The following NADSYN1 variants were observed in gnomAD, a reference collection of about 807,000 sequenced individuals.
NADSYN1 encodes the protein NAD synthetase 1, also known as glutamine-dependent NAD(+) synthetase.
A neutral mutation model predicts 99.3 loss-of-function variants in NADSYN1; 80 were observed. That is an observed-to-expected ratio of 0.81 (90% CI 0.67 to 0.97). The LOEUF (loss-of-function observed/expected upper bound fraction) is 0.97. Among genes scored for constraint, NADSYN1 ranks in the 50% least tolerant of loss-of-function variants. The pLI is 0.00. For missense variants in NADSYN1, 859 were observed against 948.5 expected, an observed-to-expected ratio of 0.91 and a Z score of 1.24; for synonymous variants, 385 against 372.1, an observed-to-expected ratio of 1.03 and a Z score of -0.40.
chr11:71,499,035 A>G (rs1223932802), intron 20 of NADSYN1: 1 of 154,264 alleles, frequency 6.5e-6, no homozygotes, highest in Non-Finnish European at 1.4e-5. Context: ...GAATCAGACC[A>G]TGCGGTATTT....
intron 18 of NADSYN1, among the ~76,000 whole-genome samples, chr11:71,495,860 G>A (rs1949815353): frequency 2.0e-5 from 3 of 152,238 alleles, no homozygotes; most frequent in Admixed American, 2.0e-4. Context: ...GCCCTGGGGT[G>A]TGGTAGGAAT....
intron 20 of NADSYN1, among the ~76,000 whole-genome samples, chr11:71,500,437 G>T (rs1259396952): frequency 6.6e-6 from 1 of 152,172 alleles, no homozygotes; most frequent in Non-Finnish European, 1.5e-5. Context: ...ATCATGACTG[G>T]GCTGGGGTCT....
chr11:71,479,420 G>C (rs2120466119), intron 10 of NADSYN1: 1 of 152,014 alleles, frequency 6.6e-6, no homozygotes, highest in South Asian at 2.1e-4. Context: ...GTTTTATTAA[G>C]TTGTATTTGC....
rs569014456 is a variant in NADSYN1, at chr11:71,480,632, G to A, written c.874-123G>A. On this transcript the variant is annotated intron_variant, in intron 10 of 20. Transcript: ENST00000319023. Reference sequence around the variant, plus strand: ...CGCCATCCTCGTGGGAGTGAGGGTGGCCTCACTGTGGTTTTGACATGCGTT... The same window carrying A: ...CGCCATCCTCGTGGGAGTGAGGGTGACCTCACTGTGGTTTTGACATGCGTT... The A allele has an allele frequency of 9.8e-5, 137 of 1,403,830 alleles. No homozygotes were observed. In the African/African-American group the frequency reaches 1.6e-3, roughly 16 times the overall value. 87.0% of individuals were successfully genotyped at this position (1,403,830 alleles called of 1,614,324 possible). A position where few individuals can be genotyped will look rare whatever the true frequency, so the allele number is the denominator to read the frequency against.
In NADSYN1 at chr11:71,459,216, G is replaced by A. The variant is rs545281263; in HGVS notation, c.263+672G>A. On this transcript the variant is annotated intron_variant, in intron 3 of 20. Coordinates refer to ENST00000319023, the MANE Select transcript of NADSYN1 (RefSeq NM_018161.5). ...GTGTGTGCTGTGCTGGTGTCTGTGC[G>A]GTCCCTGCATAGCCGCCCCTATGGA... Among the ~76,000 whole-genome samples the A allele has an allele frequency of 3.8e-4, 49 of 127,772 alleles. 1 individual carries two copies. The South Asian group carries it at 0.012, about 31-fold the overall frequency. The allele number at this position is 127,772 out of a possible 152,430, so 83.8% of individuals were successfully genotyped here. A position where few individuals can be genotyped will look rare whatever the true frequency, so the allele number is the denominator to read the frequency against.
Position 71,453,295 on chromosome 11 carries a change from G to A in NADSYN1, c.-2G>A, listed in dbSNP as rs745407087. On this transcript the variant is annotated 5_prime_UTR_variant, in exon 1 of 21. Transcript: ENST00000319023. ...CCTCCTGCCCAAGCGACTGCGGCCA[G>A]GATGGGCCGGAAGGTGACCGTGGCC... 10 of 1,613,260 alleles carry A rather than the reference G, an allele frequency of 6.2e-6. No individual in the cohort carries two copies. The highest frequency in any genetic ancestry group is 8.5e-6 in the Non-Finnish European group (10 of 1,179,606).
chr11:71,473,624 A>G lies in NADSYN1; in HGVS notation c.604A>G (p.Ser202Gly). The G allele has an allele frequency of 1.9e-6, 3 of 1,613,208 alleles. No individual in the cohort carries two copies. Among genetic ancestry groups the G allele is most frequent in the Non-Finnish European group, 2.5e-6 (3 of 1,179,884 alleles). ...GVEIITNASGSHQVLRKANTR... is the reference protein window; with the variant it reads ...GVEIITNASGGHQVLRKANTR... The stretch of plus-strand genomic sequence containing the variant: ...GGAGATCATCACCAACGCCTCGGGC[A>G]GCCACCAAGTGCTGCGCAAAGCCAA... Residue 202 changes from serine (S) to glycine (G), a missense_variant, in exon 8 of 21, where the codon AGC becomes GGC. Transcript: ENST00000319023.
rs372454516 is a variant in NADSYN1, at chr11:71,482,914, C to T, written c.1216C>T (p.Arg406Ter). Residue 406 changes from arginine (R) to a stop codon, truncating the protein, a stop_gained, in exon 14 of 21, where the codon CGA (arginine) becomes TGA (stop). Coordinates refer to ENST00000319023, the MANE Select transcript of NADSYN1 (RefSeq NM_018161.5). LOFTEE classifies it high-confidence loss of function. ...NQISYTPQDP[R>*]DLCGRILTTC... Reference sequence around the variant, plus strand: ...GATCAGCTACACCCCCCAGGATCCCCGAGACCTCTGTGGACGCATACTGAC... The same window carrying T: ...GATCAGCTACACCCCCCAGGATCCCTGAGACCTCTGTGGACGCATACTGAC... 18 of 1,613,144 alleles carry T rather than the reference C, an allele frequency of 1.1e-5. No homozygotes were observed. The highest frequency in any genetic ancestry group is 6.7e-5 in the East Asian group (3 of 44,886).
At chr11:71,457,957 T>C (rs1277491535) in intron 2 of NADSYN1, among the ~76,000 whole-genome samples, 3 of 152,150 alleles carry the variant, frequency 2.0e-5, no homozygotes, top group African/African-American at 7.2e-5. Context: ...ACGGACCTTT[T>C]TGGGGTTCAT....
rs774680772 is a variant in NADSYN1 at position 71,501,441 on chromosome 11, C to G, written c.*89C>G. The stretch of plus-strand genomic sequence containing the variant: ...TGGAGCCAAGGGTAGGAGCCCTACA[C>G]TAGGAGCCCAGGATGGGACGGCGCA... On this transcript the variant is annotated 3_prime_UTR_variant, in exon 21 of 21. Coordinates refer to ENST00000319023, the MANE Select transcript of NADSYN1 (RefSeq NM_018161.5). 1 of 1,315,400 alleles carries G rather than the reference C, an allele frequency of 7.6e-7. No homozygotes were observed. Among genetic ancestry groups the G allele is most frequent in the Non-Finnish European group, 1.1e-6 (1 of 946,438 alleles). The allele number at this position is 1,315,400 out of a possible 1,614,324, so 81.5% of individuals were successfully genotyped here.
chr11:71,458,665 G>C (rs1035912218), intron 3 of NADSYN1, 121 bp downstream of exon 3: 1 of 720,800 alleles, frequency 1.4e-6, no homozygotes, highest in Non-Finnish European at 2.4e-6. Context: ...GATACGAAAG[G>C]CCTTATGCTT....
chr11:71,494,567 A>G (rs1201392454), intron 18 of NADSYN1, among the ~76,000 whole-genome samples: 4 of 135,502 alleles, frequency 3.0e-5, no homozygotes, highest in Non-Finnish European at 5.0e-5. Context: ...TGTTTCTGAG[A>G]TGGAGTTTTG....
At chr11:71,492,207 G>A (rs568214767) in intron 18 of NADSYN1, among the ~76,000 whole-genome samples, 6 of 152,310 alleles carry the variant, frequency 3.9e-5, no homozygotes, top group Non-Finnish European at 8.8e-5. Context: ...GTGTTTTAGA[G>A]CGATGTAGGA....
intron 9 of NADSYN1, chr11:71,476,356 G>A (rs977670607): frequency 2.3e-5 from 8 of 351,854 alleles, no homozygotes; most frequent in East Asian, 7.5e-5. Context: ...TCCTGGCGTC[G>A]CCGACTCTGC....
intron 3 of NADSYN1, among the ~76,000 whole-genome samples, chr11:71,462,371 T>A (rs1225129528): frequency 6.6e-6 from 1 of 152,194 alleles, no homozygotes; most frequent in Admixed American, 6.5e-5. Flanking sequence ...TAATAACTCT[T>A]TCAACCAATT....
chr11:71,469,927 GAA>G (rs749801544), intron 5 of NADSYN1, among the ~76,000 whole-genome samples: 7 of 109,164 alleles, frequency 6.4e-5, no homozygotes, highest in African/African-American at 1.9e-4. Context: ...GCCTGTCTCA[GAA>G]AAAAAAAAAA....
In NADSYN1 at chr11:71,497,583, T is replaced by C. The variant is rs768855949; in HGVS notation, c.1865T>C (p.Met622Thr). ...AGCATGTTCTGCAAACTCCTCGGCA[T>C]GTGGAGACACATCTGCACCCCGAGA... ...PYSMFCKLLG[M>T]WRHICTPRQV... Residue 622 changes from methionine to threonine, a missense_variant, in exon 19 of 21, where the codon ATG becomes ACG. Met to Thr is a moderately conservative substitution (Grantham distance 81). Coordinates refer to ENST00000319023, the MANE Select transcript of NADSYN1 (RefSeq NM_018161.5). 2 of 1,614,108 alleles carry C rather than the reference T, an allele frequency of 1.2e-6. No homozygotes were observed. The highest frequency in any genetic ancestry group is 8.5e-7 in the Non-Finnish European group (1 of 1,180,012).
Position 71,501,378 on chromosome 11 carries a change from T to A in NADSYN1, c.*26T>A. On this transcript the variant is annotated 3_prime_UTR_variant, in exon 21 of 21. Coordinates refer to ENST00000319023, the MANE Select transcript of NADSYN1 (RefSeq NM_018161.5). Reference sequence around the variant, plus strand: ...GGCCGGTTCCTTCCTGGAGGCCTCCTGTCCTCGGGGACCCCAGCACCTCAT... The same window carrying A: ...GGCCGGTTCCTTCCTGGAGGCCTCCAGTCCTCGGGGACCCCAGCACCTCAT... The A allele has an allele frequency of 6.3e-7, 1 of 1,582,782 alleles. No individual in the cohort carries two copies. Among genetic ancestry groups the A allele is most frequent in the Non-Finnish European group, 8.6e-7 (1 of 1,164,160 alleles).
intron 20 of NADSYN1, chr11:71,499,733 C>G (rs576130785): frequency 2.6e-5 from 4 of 152,316 alleles, no homozygotes; most frequent in Admixed American, 6.5e-5. Flanking sequence ...AGAGAGCCGG[C>G]CAGTGAGTCA....
Sources: gnomAD v4.1 joint callset for allele counts (sites outside exome capture counted in the v4.1 genomes callset) on GRCh38, gnomAD v4.1.1 for gene constraint, MANE v1.5 for transcripts, NCBI Gene and HGNC (gene_info 2026-07-23, HGNC 2026-07-21) for gene names.